Variants in AFAP1 observed in about 807,000 individuals in gnomAD.
The protein encoded by AFAP1 is actin filament associated protein 1.
Under a neutral mutation model 93.9 loss-of-function variants are expected in AFAP1, and 75 were observed. The observed-to-expected ratio is 0.80, with a 90% confidence interval of 0.66 to 0.97. The LOEUF (loss-of-function observed/expected upper bound fraction) is 0.97. AFAP1 is among the 50% of genes least tolerant of loss of function. The pLI, the probability that AFAP1 is intolerant of heterozygous loss-of-function variation, is 0.00. For synonymous variants in AFAP1, 517 were observed against 430.7 expected, an observed-to-expected ratio of 1.20 and a Z score of -2.48; for missense variants, 1,201 against 1,050.8, an observed-to-expected ratio of 1.14 and a Z score of -1.98.
At chr4:7,792,768 C>G (rs1359291059) in intron 11 of AFAP1, among the ~76,000 whole-genome samples, 1 of 151,768 alleles carries the variant, frequency 6.6e-6, no homozygotes, top group Admixed American at 6.6e-5. Flanking sequence ...CAAATGTCTA[C>G]TATCTGATCC....
At chr4:7,834,063 A>G (rs1711963650) in intron 6 of AFAP1, among the ~76,000 whole-genome samples, 1 of 151,122 alleles carries the variant, frequency 6.6e-6, no homozygotes, top group Non-Finnish European at 1.5e-5. Context: ...ATGCCCATCA[A>G]TCAACAAGTT....
In AFAP1 at chr4:7,838,675, G is replaced by A; in HGVS notation, c.575C>T (p.Pro192Leu). The A allele has an allele frequency of 2.5e-6, 4 of 1,614,104 alleles. No individual in the cohort carries two copies. Among genetic ancestry groups the A allele is most frequent in the Non-Finnish European group, 3.4e-6 (4 of 1,180,018 alleles). ...GCCTTGGAGTGGCAGTTCCATCTGA[G>A]GCTGCTGGTCCTTGGAACTTTTATA... is the stretch of plus-strand genomic sequence containing the variant. ...LCYKSSKDQQ[P>L]QMELPLQGCN... is the part of the protein sequence containing the mutation. The change falls in exon 6 of 18, where the codon CCT (proline) becomes CTT (leucine). Residue 192 changes from proline (P) to leucine (L), a missense_variant. Pro to Leu is a moderately conservative substitution (Grantham distance 98). Coordinates refer to ENST00000420658, the MANE Select transcript of AFAP1 (RefSeq NM_001134647.2).
chr4:7,803,541 C>T (rs1414254059), intron 9 of AFAP1, among the ~76,000 whole-genome samples: 2 of 151,936 alleles, frequency 1.3e-5, no homozygotes, highest in Admixed American at 6.5e-5. Context: ...GGACCCGGCC[C>T]CGATCCCCAA....
At chr4:7,886,916 A>G (rs1169098203) in intron 1 of AFAP1, among the ~76,000 whole-genome samples, 1 of 152,192 alleles carries the variant, frequency 6.6e-6, no homozygotes, top group African/African-American at 2.4e-5. Flanking sequence ...AAGTTATTAA[A>G]CACTATGTTC....
intron 6 of AFAP1, among the ~76,000 whole-genome samples, chr4:7,837,451 C>G (rs372224695): frequency 6.6e-6 from 1 of 152,152 alleles, no homozygotes; most frequent in Non-Finnish European, 1.5e-5. Flanking sequence ...CATCTGTGAA[C>G]CAGGAAGCAG....
In AFAP1 at chr4:7,763,403, G is replaced by T; in HGVS notation, c.*362C>A. The T allele has an allele frequency of 4.5e-6, 1 of 220,114 alleles. No homozygotes were observed. Among genetic ancestry groups the T allele is most frequent in the Non-Finnish European group, 8.9e-6 (1 of 112,258 alleles). The allele number at this position is 220,114 out of a possible 1,614,324, so 13.6% of individuals were successfully genotyped here. On this transcript the variant is annotated 3_prime_UTR_variant, in exon 18 of 18. Transcript: ENST00000420658. ...CTGTCGAATCCAGGTTTTCATCTGG[G>T]GGCTCATGGAACCATCCATCCTCAG...
At chr4:7,832,666 A>G (rs1344670304) in intron 6 of AFAP1, among the ~76,000 whole-genome samples, 1 of 63,900 alleles carries the variant, frequency 1.6e-5, no homozygotes. Flanking sequence ...TAAAATTCAT[A>G]TGTTAAAAAA....
intron 1 of AFAP1, among the ~76,000 whole-genome samples, chr4:7,931,136 T>G (rs1364976456): frequency 6.6e-6 from 1 of 152,146 alleles, no homozygotes. Flanking sequence ...CCTGAGTCCT[T>G]GTCTTCCACA....
intron 1 of AFAP1, among the ~76,000 whole-genome samples, chr4:7,877,986 G>C (rs150502622): frequency 6.6e-6 from 1 of 152,246 alleles, no homozygotes; most frequent in Non-Finnish European, 1.5e-5. Context: ...CATAAACCAA[G>C]TGCTCAGAAC....
chr4:7,850,950 A>G (rs4496582), intron 4 of AFAP1, among the ~76,000 whole-genome samples: 1 of 152,004 alleles, frequency 6.6e-6, no homozygotes, highest in Non-Finnish European at 1.5e-5. Context: ...GCCACAGCCA[A>G]CCACTGACTT....
intron 6 of AFAP1, among the ~76,000 whole-genome samples, chr4:7,836,446 A>G (rs2149102399): frequency 1.3e-5 from 2 of 152,312 alleles, no homozygotes; most frequent in Middle Eastern, 6.8e-3. Context: ...GCTAATGGGT[A>G]TGGCGTTCTT....
intron 1 of AFAP1, among the ~76,000 whole-genome samples, chr4:7,936,234 G>T (rs1276528846): frequency 6.6e-6 from 1 of 152,154 alleles, no homozygotes; most frequent in Non-Finnish European, 1.5e-5. Flanking sequence ...ACAGAGACAC[G>T]TGGCTTTAAC....
chr4:7,847,726 A>C (rs1713889955), intron 4 of AFAP1, among the ~76,000 whole-genome samples: 2 of 146,112 alleles, frequency 1.4e-5, no homozygotes. Flanking sequence ...ATTGCCTTCT[A>C]GTCTTGTAGT....
chr4:7,808,199 T>C lies in AFAP1; in HGVS notation c.1054+1415A>G, dbSNP rs1018096687. On this transcript the variant is annotated intron_variant, in intron 9 of 17. Coordinates refer to ENST00000420658, the MANE Select transcript of AFAP1 (RefSeq NM_001134647.2). The stretch of plus-strand genomic sequence containing the variant: ...ACATTCCTATAATTTCTCGAAAACG[T>C]AGCTCATCAAGTTTTCCTCCTAGGA... Among the ~76,000 whole-genome samples the C allele has an allele frequency of 6.6e-5, 10 of 152,296 alleles. No individual in the cohort carries two copies. The East Asian group carries it at 1.7e-3, about 26-fold the overall frequency.
At chr4:7,841,972 C>T (rs140670831) in intron 5 of AFAP1, among the ~76,000 whole-genome samples, 57 of 152,232 alleles carry the variant, frequency 3.7e-4, no homozygotes, top group African/African-American at 1.3e-3. Context: ...AACCGCGAAG[C>T]TTCCCTCACT....
At chr4:7,930,453 G>T (rs1337754809) in intron 1 of AFAP1, among the ~76,000 whole-genome samples, 1 of 152,050 alleles carries the variant, frequency 6.6e-6, no homozygotes, top group African/African-American at 2.4e-5. Context: ...CGGAGGTAGG[G>T]GTAGGGCTGG....
At chr4:7,929,522 C>T (rs11733177) in intron 1 of AFAP1, among the ~76,000 whole-genome samples, 43,647 of 152,130 alleles carry the variant, frequency 0.29, 7,755 homozygotes, top group Non-Finnish European at 0.41. Flanking sequence ...AATCCAACTC[C>T]TCCCTCAAAG....
At chr4:7,913,423 C>A (rs1719889372) in intron 1 of AFAP1, among the ~76,000 whole-genome samples, 1 of 151,864 alleles carries the variant, frequency 6.6e-6, no homozygotes, top group Non-Finnish European at 1.5e-5. Context: ...AGCGCATCAC[C>A]CATATTAAAG....
intron 6 of AFAP1, among the ~76,000 whole-genome samples, chr4:7,828,390 C>A (rs948556365): frequency 6.6e-6 from 1 of 152,160 alleles, no homozygotes; most frequent in African/African-American, 2.4e-5. Context: ...TTTTGAAATT[C>A]GAGACAGCAG....
Sources: allele counts gnomAD v4.1 joint callset (sites outside exome capture counted in the v4.1 genomes callset), GRCh38; gene constraint gnomAD v4.1.1; transcripts MANE v1.5; gene names NCBI Gene and HGNC (gene_info 2026-07-23, HGNC 2026-07-21).